Variants in RPAP1 observed in about 807,000 individuals in gnomAD.
RPAP1 encodes RNA polymerase II associated protein 1, also known as RNA polymerase II-associated protein 1.
Under a neutral mutation model 142.4 loss-of-function variants are expected in RPAP1, and 109 were observed. That is an observed-to-expected ratio of 0.77 (90% CI 0.66 to 0.90). RPAP1 has a LOEUF of 0.90. RPAP1 is among the 40% of genes least tolerant of loss of function. The pLI is 0.00. For missense variants in RPAP1, 1,546 were observed against 1,751.7 expected, an observed-to-expected ratio of 0.88 and a Z score of 2.10; for synonymous variants, 704 against 738.9, an observed-to-expected ratio of 0.95 and a Z score of 0.77.
chr15:41,541,622 C>A (rs2051972987), intron 1 of RPAP1, among the ~76,000 whole-genome samples: 1 of 152,062 alleles, frequency 6.6e-6, no homozygotes, highest in Admixed American at 6.6e-5. Context: ...CCAAGGCAGG[C>A]AGATCACGAG....
intron 6 of RPAP1, among the ~76,000 whole-genome samples, chr15:41,531,843 G>A (rs1305595404): frequency 6.7e-6 from 1 of 150,148 alleles, no homozygotes; most frequent in Non-Finnish European, 1.5e-5. Flanking sequence ...GTTTTACCAT[G>A]TTGCTCAGGC....
At chr15:41,530,962 G>A (rs2051840468) in intron 7 of RPAP1, 61 bp downstream of exon 7, 1 of 1,512,146 alleles carries the variant, frequency 6.6e-7, no homozygotes, top group East Asian at 2.3e-5. Flanking sequence ...GCCAGGCCTA[G>A]GAAAAGGGAC....
At chr15:41,538,692 C>T (rs2051939849) in intron 1 of RPAP1, among the ~76,000 whole-genome samples, 2 of 152,002 alleles carry the variant, frequency 1.3e-5, no homozygotes, top group African/African-American at 2.4e-5. Context: ...GAACAGTTTC[C>T]ATATGTAGTC....
intron 22 of RPAP1, 97 bp downstream of exon 22, chr15:41,520,294 A>G: frequency 1.5e-6 from 2 of 1,337,150 alleles, no homozygotes; most frequent in Non-Finnish European, 2.1e-6. Flanking sequence ...AGGTAAGATG[A>G]GGAAGCTGAG....
intron 7 of RPAP1, 110 bp from the exon 8 acceptor site, chr15:41,530,089 C>T: frequency 1.3e-6 from 1 of 791,740 alleles, no homozygotes; most frequent in Non-Finnish European, 2.2e-6. Context: ...CAGGATCTGC[C>T]AGCTTCTACC....
At chr15:41,532,505 G>GT (rs1266009646) in intron 6 of RPAP1, among the ~76,000 whole-genome samples, 1 of 152,136 alleles carries the variant, frequency 6.6e-6, no homozygotes, top group Non-Finnish European at 1.5e-5. Context: ...TATACAGTGG[G>GT]TAACAAGATT....
rs1319836154 is a variant in RPAP1, at chr15:41,536,984, G to T, written c.142C>A (p.Pro48Thr). 6.2e-7 allele frequency: 1 copy of T among 1,614,106 alleles called. No homozygotes were observed. The highest frequency in any genetic ancestry group is 1.1e-5 in the South Asian group (1 of 91,072). ...RGGGDANSDR[P>T]PLQDHRDVVM... ...ACATCCCGATGGTCCTGGAGCGGAG[G>T]CCGGTCTGAGTTGGCATCACCACCG... Residue 48 changes from proline to threonine, a missense_variant, in exon 2 of 25, where the codon CCT becomes ACT. This residue lies in a region of RPAP1 where 1,333 missense variants were observed against 1,486.6 expected (regional missense o/e 0.90). Coordinates refer to ENST00000304330, the MANE Select transcript of RPAP1 (RefSeq NM_015540.4).
intron 4 of RPAP1, 109 bp downstream of exon 4, chr15:41,536,019 CT>C: frequency 1.3e-6 from 1 of 778,226 alleles, no homozygotes; most frequent in Non-Finnish European, 2.2e-6. Context: ...TATGATCCTG[CT>C]TTGTAAATTA....
chr15:41,520,243 C>T (rs1306262274), intron 22 of RPAP1, 148 bp downstream of exon 22: 3 of 856,800 alleles, frequency 3.5e-6, no homozygotes, highest in Admixed American at 5.0e-5. Context: ...CCATGTTAAG[C>T]CCTTTTCATT....
intron 11 of RPAP1, 100 bp from the exon 12 acceptor site, chr15:41,527,705 C>A: frequency 1.4e-6 from 2 of 1,460,034 alleles, no homozygotes; most frequent in Admixed American, 2.5e-5. Context: ...AAAGGCAAGC[C>A]TCCTGGGCTT....
Position 41,534,771 on chromosome 15 carries a change from G to T in RPAP1, c.706C>A (p.Gln236Lys). ...AGGATCTCCTCAGGAGCCATGGCCT[G>T]CAGTCTTGCTATGTTCTCTTCATGG... Reference protein sequence around the residue: ...TIHEENIARLQAMAPEEILQE... With the variant: ...TIHEENIARLKAMAPEEILQE... Residue 236 changes from glutamine (Q) to lysine (K), a missense_variant, in exon 6 of 25, where the codon CAG becomes AAG. Transcript: ENST00000304330. The T allele has an allele frequency of 6.2e-7, 1 of 1,614,026 alleles. No individual in the cohort carries two copies. Among genetic ancestry groups the T allele is most frequent in the Non-Finnish European group, 8.5e-7 (1 of 1,180,010 alleles).
chr15:41,535,458 T>C, intron 5 of RPAP1, 54 bp downstream of exon 5: 1 of 1,547,300 alleles, frequency 6.5e-7, no homozygotes, highest in Non-Finnish European at 8.7e-7. Flanking sequence ...AAAATGACCC[T>C]ATGATTGTGT....
chr15:41,531,613 ATATATATATATATATTTTTTTTTT>A (rs1232876209), intron 6 of RPAP1, among the ~76,000 whole-genome samples: 2 of 22,166 alleles, frequency 9.0e-5, no homozygotes, highest in African/African-American at 5.6e-4. Flanking sequence ...ATATATATAT[ATATATATATATATATTTTTTTTTT>A]TTTTTTTTTT....
rs758776818 is a variant in RPAP1 at position 41,517,499 on chromosome 15, G to A, written c.*43C>T. The stretch of plus-strand genomic sequence containing the variant: ...TGGCCAGACATCTGTTGAAAGGCTG[G>A]ATACAGGACAACGTACCCATCTTTC... On this transcript the variant is annotated 3_prime_UTR_variant, in exon 25 of 25. Transcript: ENST00000304330. 6.7e-7 allele frequency: 1 copy of A among 1,491,306 alleles called. No homozygotes were observed. The highest frequency in any genetic ancestry group is 9.0e-7 in the Non-Finnish European group (1 of 1,110,934). 92.4% of individuals were successfully genotyped at this position (1,491,306 alleles called of 1,614,324 possible).
rs775853837 is a variant in RPAP1 at position 41,517,901 on chromosome 15, T to TACCC, written c.3973-48_3973-45dup. Reference sequence around the variant, plus strand: ...GAGGTGGCACTGAGCCGAGGGCTGGTACCCACCACTGGCCTTGCTTGACAC... The same window carrying TACCC: ...GAGGTGGCACTGAGCCGAGGGCTGGTACCCACCCACCACTGGCCTTGCTTGACAC... On this transcript the variant is annotated intron_variant, in intron 23 of 24. Coordinates refer to ENST00000304330, the MANE Select transcript of RPAP1 (RefSeq NM_015540.4). 9.9e-6 allele frequency: 16 copies of TACCC among 1,613,542 alleles called. No homozygotes were observed. In the South Asian group the frequency reaches 1.8e-4, roughly 18 times the overall value.
In RPAP1 at chr15:41,523,340, C is replaced by T. The variant is rs758764033; in HGVS notation, c.2451G>A (p.Pro817=). ...GCTGCATGTCCTGGAGCCAATCCTC[C>T]GGGCATGAGCTTGGCTGGTGGACCA... ...QAWSQQPSSC[P]EDWLQDMQRL... is the part of the protein sequence containing the mutation. Residue 817 remains proline, a synonymous_variant, in exon 18 of 25, where the codon CCG becomes CCA. Transcript: ENST00000304330. The T allele has an allele frequency of 2.9e-5, 46 of 1,603,596 alleles. 1 individual carries two copies. The highest frequency in any genetic ancestry group is 2.6e-4 in the South Asian group (23 of 89,664).
At position 41,529,451 on chromosome 15, in the gene RPAP1, C is replaced by G; in HGVS notation, c.1158+19G>C. 1 of 1,567,948 alleles carries G rather than the reference C, an allele frequency of 6.4e-7. No homozygotes were observed. The highest frequency in any genetic ancestry group is 8.8e-7 in the Non-Finnish European group (1 of 1,141,792). On this transcript the variant is annotated intron_variant, in intron 9 of 24. Coordinates refer to ENST00000304330, the MANE Select transcript of RPAP1 (RefSeq NM_015540.4). ...GTTGTTAAAAGAGCTGCCCCATCCT[C>G]TCCAGTCCCATGCCTCACCTCTGCC...
Position 41,536,167 on chromosome 15 carries a change from C to G in RPAP1, c.382G>C (p.Ala128Pro). The G allele has an allele frequency of 3.1e-6, 5 of 1,614,148 alleles. No individual in the cohort carries two copies. In the South Asian group the frequency reaches 5.5e-5, roughly 18 times the overall value. Residue 128 changes from alanine to proline, a missense_variant, in exon 4 of 25, where the codon GCT becomes CCT. Ala to Pro is a conservative substitution (Grantham distance 27). Around this residue, in one of 3 missense-constraint regions of RPAP1, gnomAD observed 1,333 missense variants for 1,486.6 expected, o/e 0.90. Transcript: ENST00000304330. The part of the protein sequence containing the change: ...AVNLPVPSGV[A>P]FPAVFLRSRD... ...GAGCGAAGGAACACAGCAGGGAAAG[C>G]AACACCACTGGGCACAGGCAGATTC...
intron 8 of RPAP1, 30 bp downstream of exon 8, chr15:41,529,834 A>G (rs1177439752): frequency 6.6e-6 from 10 of 1,521,962 alleles, no homozygotes; most frequent in Non-Finnish European, 9.0e-6. Flanking sequence ...TATCTCACCC[A>G]CCCCTTGTAG....
Sources: allele counts gnomAD v4.1 joint callset (sites outside exome capture counted in the v4.1 genomes callset), GRCh38; gene constraint gnomAD v4.1.1; regional missense constraint gnomAD v4.1.1; transcripts MANE v1.5; gene names NCBI Gene and HGNC (gene_info 2026-07-23, HGNC 2026-07-21).